Variants in SRPK2 observed in about 807,000 individuals in gnomAD.
The protein encoded by SRPK2 is SFRS protein kinase 2.
Under a neutral mutation model 90.8 loss-of-function variants are expected in SRPK2, and 21 were observed. That is an observed-to-expected ratio of 0.23 (90% CI 0.16 to 0.33). The LOEUF (loss-of-function observed/expected upper bound fraction) is 0.33. SRPK2 is among the 10% of genes least tolerant of loss of function. SRPK2 has a pLI of 1.00. For missense variants in SRPK2, 620 were observed against 869.0 expected, an observed-to-expected ratio of 0.71 and a Z score of 3.60; for synonymous variants, 288 against 311.1, an observed-to-expected ratio of 0.93 and a Z score of 0.78.
chr7:105,356,967 A>G (rs1020907519), intron 2 of SRPK2, among the ~76,000 whole-genome samples: 3 of 152,190 alleles, frequency 2.0e-5, no homozygotes, highest in South Asian at 2.1e-4. Flanking sequence ...TTTATCAGCT[A>G]AAGCTCCCAA....
chr7:105,147,730 A>G (rs1323670522), intron 7 of SRPK2, among the ~76,000 whole-genome samples: 5 of 152,168 alleles, frequency 3.3e-5, no homozygotes, highest in African/African-American at 1.2e-4. Flanking sequence ...AGCAACCACT[A>G]ATCTACTTGC....
At chr7:105,236,591 T>C (rs1176725458) in intron 2 of SRPK2, among the ~76,000 whole-genome samples, 1 of 152,118 alleles carries the variant, frequency 6.6e-6, no homozygotes. Flanking sequence ...GGAAATAACA[T>C]GCCTAGTAAA....
intron 2 of SRPK2, among the ~76,000 whole-genome samples, chr7:105,333,845 T>C (rs959340971): frequency 1.3e-5 from 2 of 152,254 alleles, no homozygotes; most frequent in African/African-American, 4.8e-5. Context: ...TTTATACCAT[T>C]ATAACATATA....
chr7:105,169,376 A>C (rs1439261161), intron 3 of SRPK2, 111 bp from the exon 4 acceptor site: 2 of 730,714 alleles, frequency 2.7e-6, no homozygotes, highest in Non-Finnish European at 4.5e-6. Flanking sequence ...TACATAATAC[A>C]TGCAGACTAA....
At chr7:105,187,999 C>T (rs1793807529) in intron 3 of SRPK2, among the ~76,000 whole-genome samples, 1 of 152,086 alleles carries the variant, frequency 6.6e-6, no homozygotes, top group South Asian at 2.1e-4. Context: ...TAAGTGATTA[C>T]CATATGACCC....
chr7:105,124,080 C>G (rs935847505), intron 15 of SRPK2, among the ~76,000 whole-genome samples: 1 of 152,240 alleles, frequency 6.6e-6, no homozygotes, highest in Non-Finnish European at 1.5e-5. Context: ...AGGTTGCTGA[C>G]AGGCCCACGT....
At chr7:105,378,630 GCA>G (rs1196492899) in intron 2 of SRPK2, among the ~76,000 whole-genome samples, 1 of 151,968 alleles carries the variant, frequency 6.6e-6, no homozygotes, top group African/African-American at 2.4e-5. Flanking sequence ...GGGCACGGTG[GCA>G]CACACCTGTA....
At chr7:105,244,788 A>G in intron 2 of SRPK2, 2 of 970,648 alleles carry the variant, frequency 2.1e-6, no homozygotes, top group Middle Eastern at 3.1e-4. Flanking sequence ...ATGATCCCGG[A>G]GGCATGTGGC....
intron 15 of SRPK2, among the ~76,000 whole-genome samples, chr7:105,122,987 C>T (rs1052577358): frequency 6.6e-6 from 1 of 152,044 alleles, no homozygotes; most frequent in African/African-American, 2.4e-5. Flanking sequence ...TGGTGACCAG[C>T]CCAGTGAGGT....
chr7:105,395,559 G>A (rs559977740), intron 1 of SRPK2, among the ~76,000 whole-genome samples: 9 of 152,034 alleles, frequency 5.9e-5, no homozygotes, highest in African/African-American at 1.4e-4. Context: ...GTGAAACCCC[G>A]TCTCTACTAA....
intron 2 of SRPK2, among the ~76,000 whole-genome samples, chr7:105,368,965 C>A (rs150964226): frequency 1.3e-5 from 2 of 150,514 alleles, no homozygotes; most frequent in South Asian, 2.1e-4. Flanking sequence ...TGGTTTAGGG[C>A]AATGGACTTC....
At chr7:105,388,194 C>G (rs1821859007) in intron 2 of SRPK2, among the ~76,000 whole-genome samples, 1 of 152,028 alleles carries the variant, frequency 6.6e-6, no homozygotes. Context: ...CCCGCACACT[C>G]GGCCCCTCCG....
chr7:105,299,553 A>G (rs1372451618), intron 2 of SRPK2, among the ~76,000 whole-genome samples: 1 of 152,246 alleles, frequency 6.6e-6, no homozygotes. Context: ...TAACGGTCCC[A>G]TCACCTCACA....
intron 2 of SRPK2, among the ~76,000 whole-genome samples, chr7:105,258,565 C>T (rs1215800586): frequency 6.6e-6 from 1 of 152,006 alleles, no homozygotes; most frequent in Non-Finnish European, 1.5e-5. Context: ...ACCAAAGCCT[C>T]GTAGAGACAC....
chr7:105,346,810 A>G (rs1816511046), intron 2 of SRPK2, among the ~76,000 whole-genome samples: 1 of 149,506 alleles, frequency 6.7e-6, no homozygotes, highest in African/African-American at 2.5e-5. Flanking sequence ...CCATTTCACA[A>G]CTCTAGTTAC....
chr7:105,180,811 T>C (rs892504525), intron 3 of SRPK2, among the ~76,000 whole-genome samples: 1 of 152,126 alleles, frequency 6.6e-6, no homozygotes. Context: ...AATACCATTC[T>C]GGACATAGGA....
chr7:105,339,791 T>G (rs1468416002), intron 2 of SRPK2, among the ~76,000 whole-genome samples: 1 of 152,200 alleles, frequency 6.6e-6, no homozygotes, highest in Non-Finnish European at 1.5e-5. Flanking sequence ...CCAGGAGCGG[T>G]GGCTCACGCC....
intron 2 of SRPK2, among the ~76,000 whole-genome samples, chr7:105,358,546 C>CA (rs1443995967): frequency 1.3e-5 from 2 of 151,718 alleles, no homozygotes; most frequent in African/African-American, 4.8e-5. Context: ...ATTAGCCGGG[C>CA]ATGGTGGTTC....
intron 2 of SRPK2, among the ~76,000 whole-genome samples, chr7:105,372,966 G>C (rs930783989): frequency 6.6e-6 from 1 of 152,136 alleles, no homozygotes; most frequent in Non-Finnish European, 1.5e-5. Context: ...TCATGTGCCT[G>C]TAATCCCAGC....
Sources: gnomAD v4.1 joint callset for allele counts (sites outside exome capture counted in the v4.1 genomes callset) on GRCh38, gnomAD v4.1.1 for gene constraint, MANE v1.5 for transcripts, NCBI Gene and HGNC (gene_info 2026-07-23, HGNC 2026-07-21) for gene names.